ATP9B: variants seen among roughly 807,000 people sequenced by gnomAD.
The protein encoded by ATP9B is ATPase phospholipid transporting 9B.
A neutral mutation model predicts 146.1 loss-of-function variants in ATP9B; 110 were observed. That is an observed-to-expected ratio of 0.75 (90% CI 0.65 to 0.88). The LOEUF (loss-of-function observed/expected upper bound fraction) is 0.88. ATP9B is among the 40% of genes least tolerant of loss of function. The pLI is 0.00. For synonymous variants in ATP9B, 604 were observed against 569.7 expected, an observed-to-expected ratio of 1.06 and a Z score of -0.86; for missense variants, 1,499 against 1,496.4, an observed-to-expected ratio of 1.00 and a Z score of -0.03.
chr18:79,129,045 G>C lies in ATP9B; in HGVS notation c.667+2670G>C, dbSNP rs143838930. ...ATTGTTTCTGCCTCTAACCAGTCGG[G>C]GGACTGCTTGGAGGGTTGACCCTAG... On this transcript the variant is annotated intron_variant, in intron 5 of 29. Coordinates refer to ENST00000426216, the MANE Select transcript of ATP9B (RefSeq NM_198531.5). Among the ~76,000 whole-genome samples, 209 of 152,246 alleles carry C rather than the reference G, an allele frequency of 1.4e-3. 1 individual carries two copies. The highest frequency in any genetic ancestry group is 1.9e-3 in the Non-Finnish European group (131 of 68,016).
chr18:79,201,133 T>C (rs150719852), intron 9 of ATP9B, among the ~76,000 whole-genome samples: 10 of 152,370 alleles, frequency 6.6e-5, no homozygotes, highest in East Asian at 1.9e-4. Flanking sequence ...TTTGTGTAAA[T>C]TACTTCAAGT....
chr18:79,195,735 G>A (rs987678039), intron 9 of ATP9B, among the ~76,000 whole-genome samples: 4 of 152,180 alleles, frequency 2.6e-5, no homozygotes, highest in Admixed American at 6.5e-5. Context: ...GAGAAGGGAG[G>A]ACCGAATCAC....
At chr18:79,150,541 G>T (rs928424010) in intron 6 of ATP9B, among the ~76,000 whole-genome samples, 1 of 152,148 alleles carries the variant, frequency 6.6e-6, no homozygotes, top group African/African-American at 2.4e-5. Flanking sequence ...AGAACACAGG[G>T]CTCCTTGCTC....
In ATP9B at chr18:79,330,100, AG is replaced by A. The variant is rs755484457; in HGVS notation, c.2026del (p.Glu676SerfsTer20). ...PIVQYNDWLE[E>X]ECGNMAREGL... ...GTGCAGTATAATGACTGGCTGGAAG[AG>A]GAGGTATGTGAGTGACTCTAGCGTG... is the stretch of plus-strand genomic sequence containing the variant. On this transcript the variant is annotated frameshift_variant, in exon 17 of 30. Transcript: ENST00000426216. LOFTEE classifies it high-confidence loss of function. 1 of 1,613,782 alleles carries A rather than the reference AG, an allele frequency of 6.2e-7. No homozygotes were observed. Among genetic ancestry groups the A allele is most frequent in the Admixed American group, 1.7e-5 (1 of 60,008 alleles).
chr18:79,238,457 G>A (rs2095861766), intron 11 of ATP9B, among the ~76,000 whole-genome samples: 1 of 152,214 alleles, frequency 6.6e-6, no homozygotes, highest in African/African-American at 2.4e-5. Flanking sequence ...GGCTGCTGCT[G>A]TTCCGGCCGG....
At chr18:79,074,604 C>T (rs1184211208) in intron 1 of ATP9B, among the ~76,000 whole-genome samples, 1 of 152,228 alleles carries the variant, frequency 6.6e-6, no homozygotes. Flanking sequence ...GGCAAGTTCC[C>T]CTTACTGCTA....
intron 9 of ATP9B, among the ~76,000 whole-genome samples, chr18:79,202,176 C>T (rs1438756912): frequency 6.6e-6 from 1 of 152,208 alleles, no homozygotes; most frequent in Non-Finnish European, 1.5e-5. Context: ...GTGATGGTGT[C>T]TGCTTCCTCT....
chr18:79,138,642 T>C (rs2094475288), intron 5 of ATP9B, among the ~76,000 whole-genome samples: 1 of 152,228 alleles, frequency 6.6e-6, no homozygotes, highest in Admixed American at 6.5e-5. Flanking sequence ...GGTGGTAAAC[T>C]ATCATCTCAA....
intron 8 of ATP9B, among the ~76,000 whole-genome samples, chr18:79,177,654 A>G (rs1234331900): frequency 1.3e-5 from 2 of 152,148 alleles, no homozygotes; most frequent in South Asian, 2.1e-4. Flanking sequence ...CTTTCAAATC[A>G]GTAAAACCAG....
intron 10 of ATP9B, chr18:79,209,535 CT>C (rs2095564712): frequency 5.0e-6 from 2 of 402,906 alleles, no homozygotes; most frequent in East Asian, 3.2e-4. Flanking sequence ...AAAGTTTTCT[CT>C]CCTGACCTCA....
chr18:79,234,501 G>A (rs1471950116), intron 11 of ATP9B, among the ~76,000 whole-genome samples: 1 of 152,344 alleles, frequency 6.6e-6, no homozygotes, highest in East Asian at 1.9e-4. Context: ...TTCTTCCTGC[G>A]TGTTCTGCAG....
chr18:79,190,566 CAG>C (rs2148116885), intron 8 of ATP9B, among the ~76,000 whole-genome samples: 1 of 147,310 alleles, frequency 6.8e-6, no homozygotes, highest in South Asian at 2.1e-4. Flanking sequence ...ATTTTTGGCA[CAG>C]AGTTTTGCTC....
In ATP9B at chr18:79,069,535, C is replaced by T. The variant is rs766159338; in HGVS notation, c.119+6C>T. The T allele has an allele frequency of 1.5e-6, 2 of 1,345,736 alleles. No individual in the cohort carries two copies. The highest frequency in any genetic ancestry group is 3.3e-5 in the African/African-American group (2 of 60,594). 83.4% of individuals were successfully genotyped at this position (1,345,736 alleles called of 1,614,324 possible). A position where few individuals can be genotyped will look rare whatever the true frequency, so the allele number is the denominator to read the frequency against. ...GGAGCCGACCGGCACAGCAGGTAACCGAGGCGGCACTGGCCCCGTTCCCCG... is the reference window on the plus strand; with the variant it reads ...GGAGCCGACCGGCACAGCAGGTAACTGAGGCGGCACTGGCCCCGTTCCCCG... On this transcript the variant is annotated splice_donor_region_variant and intron_variant, in intron 1 of 29. Transcript: ENST00000426216.
At chr18:79,322,362 A>G (rs2096720926) in intron 15 of ATP9B, among the ~76,000 whole-genome samples, 1 of 152,230 alleles carries the variant, frequency 6.6e-6, no homozygotes, top group African/African-American at 2.4e-5. Flanking sequence ...GAGTGTTGAC[A>G]TCTGCCACCA....
At chr18:79,325,099 G>C (rs2096736997) in intron 15 of ATP9B, among the ~76,000 whole-genome samples, 1 of 152,200 alleles carries the variant, frequency 6.6e-6, no homozygotes, top group South Asian at 2.1e-4. Flanking sequence ...GTTCTGGGGA[G>C]GAGGGACCCC....
At position 79,258,735 on chromosome 18, in the gene ATP9B, T is replaced by C. The variant is rs1402276423; in HGVS notation, c.1268+5194T>C. 2.0e-5 allele frequency among the ~76,000 whole-genome samples: 3 copies of C among 152,164 alleles called. No homozygotes were observed. In the East Asian group the frequency reaches 5.8e-4, roughly 29 times the overall value. On this transcript the variant is annotated intron_variant, in intron 12 of 29. Coordinates refer to ENST00000426216, the MANE Select transcript of ATP9B (RefSeq NM_198531.5). ...TGGAGAGACTTACGAAGCAGAACTG[T>C]CAGTTCCCCTCTGTTTAGCTCCAGA...
intron 7 of ATP9B, among the ~76,000 whole-genome samples, chr18:79,163,798 A>T (rs553196485): frequency 6.6e-6 from 1 of 151,092 alleles, no homozygotes; most frequent in Non-Finnish European, 1.5e-5. Context: ...ATTAACCTCA[A>T]TTGTTTAGTT....
chr18:79,365,068 T>C (rs2097018343), intron 26 of ATP9B, among the ~76,000 whole-genome samples: 1 of 151,776 alleles, frequency 6.6e-6, no homozygotes, highest in Non-Finnish European at 1.5e-5. Context: ...ATACTGTTAA[T>C]GAAAAAACAA....
chr18:79,328,713 C>A (rs1568706596), intron 15 of ATP9B, among the ~76,000 whole-genome samples: 1 of 152,142 alleles, frequency 6.6e-6, no homozygotes, highest in East Asian at 1.9e-4. Flanking sequence ...AAAATAATTA[C>A]CATAAACATG....
Sources: allele counts gnomAD v4.1 joint callset (sites outside exome capture counted in the v4.1 genomes callset), GRCh38; gene constraint gnomAD v4.1.1; transcripts MANE v1.5; gene names NCBI Gene and HGNC (gene_info 2026-07-23, HGNC 2026-07-21).